Variants in SPAG9 observed in about 807,000 individuals in gnomAD.
The protein encoded by SPAG9 is sperm associated antigen 9.
In SPAG9, 35 loss-of-function variants were observed where a neutral mutation model predicts 166.5. The ratio of observed to expected loss-of-function variants is 0.21; its 90% CI spans 0.16 to 0.28. The LOEUF (loss-of-function observed/expected upper bound fraction) is 0.28. SPAG9 is among the 10% of genes least tolerant of loss of function. The pLI is 1.00. For missense variants in SPAG9, 1,235 were observed against 1,603.3 expected (o/e 0.77, Z 3.92); for synonymous variants, 534 against 565.5 (o/e 0.94, Z 0.79).
chr17:50,983,963 C>T (rs954539746), intron 24 of SPAG9, among the ~76,000 whole-genome samples: 2 of 152,132 alleles, frequency 1.3e-5, no homozygotes, highest in Non-Finnish European at 2.9e-5. Context: ...CTCCACATTT[C>T]CCCAGCCCAG....
intron 5 of SPAG9, among the ~76,000 whole-genome samples, chr17:51,037,693 T>TATATATATATATATATATATA (rs1568028403): frequency 1.1e-5 from 1 of 89,886 alleles, no homozygotes; most frequent in Admixed American, 1.2e-4. Context: ...ATAGTGTGTG[T>TATATATATATATATATATATA]GTGTGTGTGT....
In SPAG9 at chr17:51,020,166, C is replaced by T. The variant is rs2045885407; in HGVS notation, c.1084G>A (p.Gly362Ser). 2 of 1,603,998 alleles carry T rather than the reference C, an allele frequency of 1.2e-6. No homozygotes were observed. The highest frequency in any genetic ancestry group is 1.7e-6 in the Non-Finnish European group (2 of 1,171,012). The change falls in exon 8 of 30, where the codon GGT becomes AGT. Residue 362 changes from glycine (G) to serine (S), a missense_variant. By Grantham distance (56) the Gly-to-Ser change is moderately conservative (BLOSUM62 0). This residue lies in a region of SPAG9 where 288 missense variants were observed against 323.7 expected (regional missense o/e 0.89). Transcript: ENST00000262013. ...DMDKDLSGYK[G>S]SSTPTKGIEN... ...ATCTAACATTTATGTTACCTTGAAC[C>T]TTTATATCCACTGAGATCTTTGTCC...
rs1038857903 is a variant in SPAG9, at chr17:51,080,473, T to C, written c.304-769A>G. Reference sequence around the variant, plus strand: ...TCCCTAGTGATCGCGTCCAGTTTCATGGCGTTAAGTACGAACTATATGCTG... The same window carrying C: ...TCCCTAGTGATCGCGTCCAGTTTCACGGCGTTAAGTACGAACTATATGCTG... On this transcript the variant is annotated intron_variant, in intron 1 of 29. Transcript: ENST00000262013. Among the ~76,000 whole-genome samples the C allele has an allele frequency of 5.9e-5, 9 of 152,310 alleles. No homozygotes were observed. The South Asian group carries it at 6.2e-4, about 11-fold the overall frequency.
At chr17:51,009,887 A>C (rs1345068500) in intron 9 of SPAG9, among the ~76,000 whole-genome samples, 1 of 152,176 alleles carries the variant, frequency 6.6e-6, no homozygotes, top group Non-Finnish European at 1.5e-5. Context: ...ATCTTAATAT[A>C]TGGTGTATAA....
intron 4 of SPAG9, chr17:51,046,947 T>C: frequency 6.9e-7 from 1 of 1,439,712 alleles, no homozygotes; most frequent in Non-Finnish European, 9.2e-7. Context: ...CTTAGCTCAT[T>C]GGCTACAATG....
chr17:50,968,403 T>A (rs1368250441), intron 29 of SPAG9, among the ~76,000 whole-genome samples: 1 of 152,210 alleles, frequency 6.6e-6, no homozygotes, highest in African/African-American at 2.4e-5. Context: ...TTTGAAGCAC[T>A]GAGATTTTAA....
chr17:51,011,909 G>A (rs77359056), intron 9 of SPAG9, among the ~76,000 whole-genome samples: 184 of 152,284 alleles, frequency 1.2e-3, no homozygotes, highest in African/African-American at 4.4e-3. Context: ...ATATTTCTAA[G>A]TACTATGGGG....
At chr17:51,076,997 G>GCTAGCTAGCTATCTAT (rs1568065202) in intron 2 of SPAG9, among the ~76,000 whole-genome samples, 3 of 97,026 alleles carry the variant, frequency 3.1e-5, no homozygotes, top group African/African-American at 1.0e-4. Flanking sequence ...TAGCTATCTA[G>GCTAGCTAGCTATCTAT]CTATCTAGCT....
intron 2 of SPAG9, among the ~76,000 whole-genome samples, chr17:51,062,627 T>A (rs892098068): frequency 6.6e-6 from 1 of 152,088 alleles, no homozygotes; most frequent in South Asian, 2.1e-4. Flanking sequence ...GTCTTGCTCT[T>A]TCACCCAGGC....
intron 1 of SPAG9, among the ~76,000 whole-genome samples, chr17:51,102,150 A>G (rs1233070653): frequency 6.6e-6 from 1 of 151,754 alleles, no homozygotes; most frequent in Non-Finnish European, 1.5e-5. Flanking sequence ...TGGGAGGCCA[A>G]GGTGGGCGAA....
chr17:51,116,408 C>CTA (rs2049288899), intron 1 of SPAG9, among the ~76,000 whole-genome samples: 2 of 152,216 alleles, frequency 1.3e-5, no homozygotes, highest in East Asian at 3.9e-4. Flanking sequence ...CAGAAAAACC[C>CTA]TAACATACCC....
intron 21 of SPAG9, among the ~76,000 whole-genome samples, chr17:50,989,204 A>C (rs1397289521): frequency 1.3e-5 from 2 of 152,216 alleles, no homozygotes; most frequent in Non-Finnish European, 2.9e-5. Flanking sequence ...TACCTTGTGC[A>C]TGTTTACATA....
intron 5 of SPAG9, among the ~76,000 whole-genome samples, chr17:51,033,054 A>G (rs2046445608): frequency 6.6e-6 from 1 of 151,964 alleles, no homozygotes; most frequent in Admixed American, 6.5e-5. Flanking sequence ...TTATTGAGAT[A>G]TAACTGACAA....
chr17:51,108,810 A>T lies in SPAG9; in HGVS notation c.303+11544T>A, dbSNP rs117801085. Reference sequence around the variant, plus strand: ...CTGTGCCTGGTCCATAATAGTTTTTATGTGATAATTTTATTTATTTATTTT... The same window carrying T: ...CTGTGCCTGGTCCATAATAGTTTTTTTGTGATAATTTTATTTATTTATTTT... On this transcript the variant is annotated intron_variant, in intron 1 of 29. Transcript: ENST00000262013. Among the ~76,000 whole-genome samples, 16 of 151,844 alleles carry T rather than the reference A, an allele frequency of 1.1e-4. No homozygotes were observed. The East Asian group carries it at 3.1e-3, about 29-fold the overall frequency.
chr17:51,072,158 G>A (rs910905810), intron 2 of SPAG9, among the ~76,000 whole-genome samples: 2 of 151,814 alleles, frequency 1.3e-5, no homozygotes, highest in East Asian at 2.0e-4. Flanking sequence ...TGCAACCTCC[G>A]CCTCCCAGGT....
intron 1 of SPAG9, among the ~76,000 whole-genome samples, chr17:51,101,294 C>T (rs976796285): frequency 7.0e-5 from 10 of 143,296 alleles, no homozygotes; most frequent in South Asian, 2.2e-4. Context: ...TACAGTGAGC[C>T]GAGATCGCAC....
At chr17:51,046,290 A>G (rs1439411191) in intron 4 of SPAG9, among the ~76,000 whole-genome samples, 1 of 152,130 alleles carries the variant, frequency 6.6e-6, no homozygotes, top group Non-Finnish European at 1.5e-5. Context: ...CAATATGAAA[A>G]TCCTTTTCTT....
intron 5 of SPAG9, among the ~76,000 whole-genome samples, chr17:51,034,564 C>T (rs904748231): frequency 6.6e-6 from 1 of 152,140 alleles, no homozygotes; most frequent in African/African-American, 2.4e-5. Flanking sequence ...ATGATAGGTT[C>T]GCATAGCCCA....
At position 51,081,256 on chromosome 17, in the gene SPAG9, G is replaced by A. The variant is rs563626552; in HGVS notation, c.304-1552C>T. Among the ~76,000 whole-genome samples the A allele has an allele frequency of 8.5e-5, 13 of 152,148 alleles. No individual in the cohort carries two copies. In the South Asian group the frequency reaches 2.7e-3, roughly 32 times the overall value. On this transcript the variant is annotated intron_variant, in intron 1 of 29. Transcript: ENST00000262013. ...GATTCTTTAAAAAGTCAGCCAGCCAGCCTGTCCAACATGGTGAAATTCGGT... is the reference window on the plus strand; with the variant it reads ...GATTCTTTAAAAAGTCAGCCAGCCAACCTGTCCAACATGGTGAAATTCGGT...
Sources: gnomAD v4.1 joint callset for allele counts (sites outside exome capture counted in the v4.1 genomes callset) on GRCh38, gnomAD v4.1.1 for gene constraint, gnomAD v4.1.1 regional missense constraint, MANE v1.5 for transcripts, NCBI Gene and HGNC (gene_info 2026-07-23, HGNC 2026-07-21) for gene names.